Variants in RNF220 observed in about 807,000 individuals in gnomAD.
The protein encoded by RNF220 is ring finger protein 220, also known as E3 ubiquitin-protein ligase RNF220.
In RNF220, 7 loss-of-function variants were observed where a neutral mutation model predicts 67.1. The observed-to-expected ratio is 0.10, with a 90% confidence interval of 0.06 to 0.20. The LOEUF (loss-of-function observed/expected upper bound fraction) is 0.20, where lower values mean the gene tolerates loss of function less well. Among genes scored for constraint, RNF220 ranks in the 10% least tolerant of loss-of-function variants. The pLI is 1.00. For synonymous variants in RNF220, 270 were observed against 283.2 expected, an observed-to-expected ratio of 0.95 and a Z score of 0.47; for missense variants, 565 against 740.3, an observed-to-expected ratio of 0.76 and a Z score of 2.75.
At chr1:44,620,958 C>T (rs1188803840) in intron 3 of RNF220, among the ~76,000 whole-genome samples, 1 of 150,662 alleles carries the variant, frequency 6.6e-6, no homozygotes, top group South Asian at 2.1e-4. Flanking sequence ...TCTTGTTGCC[C>T]AGGCTGGAGT....
chr1:44,589,209 G>A (rs1572968627), intron 2 of RNF220, among the ~76,000 whole-genome samples: 1 of 152,220 alleles, frequency 6.6e-6, no homozygotes, highest in East Asian at 1.9e-4. Flanking sequence ...GACAGTGCCA[G>A]AAGCATTCAT....
chr1:44,441,402 T>G (rs1651537652), intron 2 of RNF220, among the ~76,000 whole-genome samples: 1 of 152,170 alleles, frequency 6.6e-6, no homozygotes, highest in South Asian at 2.1e-4. Context: ...TATGGTACCT[T>G]CACATTTTCT....
intron 2 of RNF220, among the ~76,000 whole-genome samples, chr1:44,559,287 G>A (rs937167178): frequency 2.0e-5 from 3 of 152,162 alleles, no homozygotes; most frequent in Admixed American, 1.3e-4. Flanking sequence ...ACGCTGTTCT[G>A]TGGAAGCAGG....
chr1:44,614,689 C>T (rs1287192248), intron 3 of RNF220, among the ~76,000 whole-genome samples: 1 of 152,156 alleles, frequency 6.6e-6, no homozygotes, highest in Non-Finnish European at 1.5e-5. Context: ...GGGGTGGACA[C>T]TACCTTCTCT....
intron 2 of RNF220, among the ~76,000 whole-genome samples, chr1:44,545,004 T>C (rs954056303): frequency 6.6e-6 from 1 of 152,254 alleles, no homozygotes; most frequent in Non-Finnish European, 1.5e-5. Context: ...AGCATGGCTC[T>C]AGACCCTGGG....
chr1:44,503,474 A>T (rs1557989524), intron 2 of RNF220, among the ~76,000 whole-genome samples: 1 of 152,144 alleles, frequency 6.6e-6, no homozygotes. Context: ...GTGTGCATAC[A>T]TTAGTGTGCT....
At chr1:44,555,628 C>T (rs7537154) in intron 2 of RNF220, among the ~76,000 whole-genome samples, 16,547 of 150,096 alleles carry the variant, frequency 0.11, 2,252 homozygotes, top group East Asian at 0.42. Context: ...GCGCCTGCCA[C>T]CATGCCTAGC....
intron 2 of RNF220, among the ~76,000 whole-genome samples, chr1:44,498,990 C>A (rs962246388): frequency 5.9e-5 from 9 of 152,134 alleles, no homozygotes; most frequent in African/African-American, 2.2e-4. Flanking sequence ...AATTATACCC[C>A]TTCCTAATAA....
At chr1:44,404,953 A>C (rs895249270), upstream of RNF220, among the ~76,000 whole-genome samples, 31 of 152,220 alleles carry the variant, frequency 2.0e-4, no homozygotes, top group African/African-American at 7.5e-4. Context: ...GAAGAACAAC[A>C]AGCACGAAAC....
intron 2 of RNF220, among the ~76,000 whole-genome samples, chr1:44,534,739 G>A (rs1661074269): frequency 6.6e-6 from 1 of 152,138 alleles, no homozygotes; most frequent in African/African-American, 2.4e-5. Flanking sequence ...ATTGTATATG[G>A]AAGAGAAAGG....
intron 2 of RNF220, among the ~76,000 whole-genome samples, chr1:44,528,668 G>T (rs991034886): frequency 1.4e-5 from 2 of 144,526 alleles, no homozygotes; most frequent in Non-Finnish European, 3.0e-5. Flanking sequence ...AAGCTGGAGT[G>T]CAATGGCACA....
At chr1:44,464,613 TA>T (rs1654100191) in intron 2 of RNF220, among the ~76,000 whole-genome samples, 1 of 152,176 alleles carries the variant, frequency 6.6e-6, no homozygotes, top group Admixed American at 6.5e-5. Flanking sequence ...AGGGAATGGA[TA>T]TTTGATGAGC....
At chr1:44,553,603 C>G (rs181569754) in intron 2 of RNF220, among the ~76,000 whole-genome samples, 116 of 152,264 alleles carry the variant, frequency 7.6e-4, no homozygotes, top group Middle Eastern at 3.4e-3. Flanking sequence ...CTACACTCTG[C>G]CCATCAACAG....
chr1:44,501,743 A>T (rs565338461), intron 2 of RNF220, among the ~76,000 whole-genome samples: 15 of 151,998 alleles, frequency 9.9e-5, no homozygotes, highest in Non-Finnish European at 1.9e-4. Flanking sequence ...TGACTTTGTG[A>T]CAAGTGCAGG....
At chr1:44,418,247 T>TGGAGAAGGAGGGATGGGA in intron 2 of RNF220, among the ~76,000 whole-genome samples, 1 of 151,952 alleles carries the variant, frequency 6.6e-6, no homozygotes, top group Admixed American at 6.5e-5. Context: ...GGGTTCTGCC[T>TGGAGAAGGAGGGATGGGA]GGAGAAGGAG....
At chr1:44,415,508 C>T (rs796902770) in intron 2 of RNF220, among the ~76,000 whole-genome samples, 2,466 of 151,932 alleles carry the variant, frequency 0.016, 49 homozygotes, top group African/African-American at 0.052. Context: ...TTGATATACA[C>T]ACACACACAC....
At chr1:44,546,987 G>T (rs1662212591) in intron 2 of RNF220, among the ~76,000 whole-genome samples, 1 of 152,234 alleles carries the variant, frequency 6.6e-6, no homozygotes, top group Non-Finnish European at 1.5e-5. Flanking sequence ...AGGAAGAGAA[G>T]GAAGCAGGGC....
intron 6 of RNF220, among the ~76,000 whole-genome samples, chr1:44,634,828 A>G (rs991586293): frequency 3.3e-5 from 5 of 152,218 alleles, no homozygotes; most frequent in Non-Finnish European, 5.9e-5. Context: ...CTCTGCCTCC[A>G]GGGCCTGCCA....
At chr1:44,456,062 T>G (rs1225559600) in intron 2 of RNF220, among the ~76,000 whole-genome samples, 1 of 152,194 alleles carries the variant, frequency 6.6e-6, no homozygotes, top group Non-Finnish European at 1.5e-5. Context: ...ATTCTTAGAA[T>G]AAGGATTCTC....
Sources: gnomAD v4.1 joint callset for allele counts (sites outside exome capture counted in the v4.1 genomes callset) on GRCh38, gnomAD v4.1.1 for gene constraint, MANE v1.5 for transcripts, NCBI Gene and HGNC (gene_info 2026-07-23, HGNC 2026-07-21) for gene names.